Variants in CDK6 observed in about 807,000 individuals in gnomAD.
CDK6 encodes cyclin-dependent kinase 6.
A neutral mutation model predicts 37.1 loss-of-function variants in CDK6; 6 were observed. The ratio of observed to expected loss-of-function variants is 0.16; its 90% CI spans 0.09 to 0.32. The LOEUF is 0.32. CDK6 is among the 10% of genes least tolerant of loss of function. The pLI is 1.00. For missense variants in CDK6, 224 were observed against 418.9 expected (o/e 0.53, Z 4.06); for synonymous variants, 160 against 161.3 (o/e 0.99, Z 0.06).
rs953545222 is a variant in CDK6 at position 92,774,717 on chromosome 7, T to C, written c.348A>G (p.Gly116=). The C allele has an allele frequency of 4.3e-6, 7 of 1,609,420 alleles. No homozygotes were observed. The African/African-American group carries it at 9.4e-5, about 22-fold the overall frequency. ...TTYLDKVPEP[G]VPTETIKDMM... ...ATACCTTTATGGTTTCAGTGGGCAC[T>C]CCAGGCTCTGGAACTTTATCCAAGT... Residue 116 remains glycine, a synonymous_variant, in exon 3 of 8, where the codon GGA becomes GGG. Coordinates refer to ENST00000424848, the MANE Select transcript of CDK6 (RefSeq NM_001145306.2).
intron 2 of CDK6, among the ~76,000 whole-genome samples, chr7:92,820,115 G>A (rs959547407): frequency 6.6e-6 from 1 of 151,856 alleles, no homozygotes; most frequent in African/African-American, 2.4e-5. Context: ...TTGTGATAAA[G>A]GCAAACATGG....
chr7:92,832,539 C>A (rs749651586), intron 2 of CDK6, among the ~76,000 whole-genome samples: 2 of 152,172 alleles, frequency 1.3e-5, no homozygotes, highest in East Asian at 1.9e-4. Context: ...ATTCTTACTA[C>A]GCAACTTTAA....
intron 5 of CDK6, among the ~76,000 whole-genome samples, chr7:92,670,993 A>G (rs1797059962): frequency 6.6e-6 from 1 of 152,106 alleles, no homozygotes; most frequent in Non-Finnish European, 1.5e-5. Flanking sequence ...ATTCTTTTTC[A>G]GCCTAAATAT....
chr7:92,611,564 A>G lies in CDK6; in HGVS notation c.*3576T>C, dbSNP rs1276543443. Reference sequence around the variant, plus strand: ...ATGGCCATTACTGACTTTAATAGGCACCACTTGTAAAAGAAGCAGCTACAG... The same window carrying G: ...ATGGCCATTACTGACTTTAATAGGCGCCACTTGTAAAAGAAGCAGCTACAG... On this transcript the variant is annotated 3_prime_UTR_variant, in exon 8 of 8. Coordinates refer to ENST00000424848, the MANE Select transcript of CDK6 (RefSeq NM_001145306.2). The G allele has an allele frequency of 4.4e-6, 1 of 228,546 alleles. No individual in the cohort carries two copies. Among genetic ancestry groups the G allele is most frequent in the African/African-American group, 2.2e-5 (1 of 45,120 alleles). The allele number at this position is 228,546 out of a possible 1,614,324, so 14.2% of individuals were successfully genotyped here.
intron 4 of CDK6, among the ~76,000 whole-genome samples, chr7:92,684,859 A>T (rs537289238): frequency 1.3e-5 from 2 of 152,224 alleles, no homozygotes; most frequent in East Asian, 3.9e-4. Context: ...AAGCAACATT[A>T]AAAAAAATCA....
intron 5 of CDK6, among the ~76,000 whole-genome samples, chr7:92,665,068 A>G (rs1481310937): frequency 6.6e-6 from 1 of 152,150 alleles, no homozygotes; most frequent in Non-Finnish European, 1.5e-5. Flanking sequence ...TACAGGTGTG[A>G]GTCACCACGC....
At chr7:92,737,039 G>A (rs1414372327) in intron 3 of CDK6, among the ~76,000 whole-genome samples, 1 of 152,066 alleles carries the variant, frequency 6.6e-6, no homozygotes, top group Admixed American at 6.6e-5. Flanking sequence ...TCTAACCTTC[G>A]TTTCTTCATC....
intron 3 of CDK6, among the ~76,000 whole-genome samples, chr7:92,747,314 C>G (rs931734472): frequency 1.3e-5 from 2 of 152,182 alleles, no homozygotes; most frequent in African/African-American, 4.8e-5. Context: ...GGACCATTCT[C>G]TTTGACTGAT....
chr7:92,691,103 C>T (rs906719599), intron 4 of CDK6, among the ~76,000 whole-genome samples: 6 of 152,142 alleles, frequency 3.9e-5, no homozygotes, highest in African/African-American at 1.4e-4. Flanking sequence ...GTCTGTACAG[C>T]AAATGAGAAG....
chr7:92,639,768 T>G (rs529906610), intron 5 of CDK6, among the ~76,000 whole-genome samples: 1 of 152,308 alleles, frequency 6.6e-6, no homozygotes, highest in African/African-American at 2.4e-5. Context: ...CATTGGAAGC[T>G]GGAATAAAAA....
intron 4 of CDK6, among the ~76,000 whole-genome samples, chr7:92,672,166 TACACACACACAC>T (rs1434883987): frequency 5.4e-4 from 21 of 38,734 alleles, no homozygotes; most frequent in South Asian, 1.8e-3. Flanking sequence ...TATATACACA[TACACACACACAC>T]ACACAGACAC....
intron 7 of CDK6, among the ~76,000 whole-genome samples, chr7:92,615,602 G>A (rs984925579): frequency 6.6e-6 from 1 of 152,122 alleles, no homozygotes; most frequent in African/African-American, 2.4e-5. Flanking sequence ...TGCTACAGTC[G>A]GAGACTTCAC....
intron 5 of CDK6, among the ~76,000 whole-genome samples, chr7:92,644,205 T>C (rs1796385958): frequency 6.6e-6 from 1 of 152,122 alleles, no homozygotes; most frequent in Non-Finnish European, 1.5e-5. Flanking sequence ...ATCTCATGAG[T>C]AGAGATACTG....
intron 3 of CDK6, among the ~76,000 whole-genome samples, chr7:92,756,013 T>C (rs1799309957): frequency 6.6e-6 from 1 of 152,166 alleles, no homozygotes; most frequent in Non-Finnish European, 1.5e-5. Flanking sequence ...TTGGAGAATC[T>C]GCCCCAACCT....
intron 5 of CDK6, among the ~76,000 whole-genome samples, chr7:92,633,382 A>G (rs1038347357): frequency 3.3e-5 from 5 of 152,098 alleles, no homozygotes; most frequent in Admixed American, 1.3e-4. Context: ...TTTTTTGTTC[A>G]GTAATATTTG....
At chr7:92,832,770 T>G (rs2116029403) in intron 2 of CDK6, among the ~76,000 whole-genome samples, 1 of 152,260 alleles carries the variant, frequency 6.6e-6, no homozygotes, top group Non-Finnish European at 1.5e-5. Context: ...GCTTATCCTG[T>G]CCCTAAAACG....
At chr7:92,652,916 G>A (rs1220423938) in intron 5 of CDK6, among the ~76,000 whole-genome samples, 2 of 152,152 alleles carry the variant, frequency 1.3e-5, no homozygotes, top group Non-Finnish European at 2.9e-5. Flanking sequence ...CTGAATCCTT[G>A]CATCACTAAA....
chr7:92,759,623 GTT>G (rs2115716774), intron 3 of CDK6, among the ~76,000 whole-genome samples: 1 of 140,602 alleles, frequency 7.1e-6, no homozygotes, highest in African/African-American at 2.7e-5. Flanking sequence ...TTCATTTACT[GTT>G]ATCCATACTG....
At position 92,654,798 on chromosome 7, in the gene CDK6, C is replaced by T. The variant is rs558445576; in HGVS notation, c.647+16628G>A. On this transcript the variant is annotated intron_variant, in intron 5 of 7. Coordinates refer to ENST00000424848, the MANE Select transcript of CDK6 (RefSeq NM_001145306.2). ...GGACTTGAGGGAGGGGAATAAAGAT[C>T]TACCTATTTCCAGGTGCACATAACA... is the stretch of plus-strand genomic sequence containing the variant. Among the ~76,000 whole-genome samples, 5 of 152,210 alleles carry T rather than the reference C, an allele frequency of 3.3e-5. No individual in the cohort carries two copies. In the East Asian group the frequency reaches 5.8e-4, roughly 18 times the overall value.
Sources: allele counts gnomAD v4.1 joint callset (sites outside exome capture counted in the v4.1 genomes callset), GRCh38; gene constraint gnomAD v4.1.1; transcripts MANE v1.5; gene names NCBI Gene and HGNC (gene_info 2026-07-23, HGNC 2026-07-21).